PCDH11X: variants seen among roughly 807,000 people sequenced by gnomAD.
PCDH11X encodes protocadherin-11 X-linked.
PCDH11X carries 18 observed loss-of-function variants against 53.3 expected under a neutral mutation model. The observed-to-expected ratio is 0.34, with a 90% CI of 0.23 to 0.50. PCDH11X has a LOEUF of 0.50. Ranked by LOEUF, PCDH11X falls within the 20% of genes least tolerant of loss-of-function variation. The pLI is 0.98. For missense variants in PCDH11X, 570 were observed against 1,032.4 expected, an observed-to-expected ratio of 0.55 and a Z score of 6.14; for synonymous variants, 279 against 393.3, an observed-to-expected ratio of 0.71 and a Z score of 3.44.
rs866681101 is a variant in PCDH11X at position 92,452,463 on chromosome X, G to A, written c.3344-15836G>A. Among the ~76,000 whole-genome samples, 164 of 44,709 alleles carry A rather than the reference G, an allele frequency of 3.7e-3. 2 individuals are homozygous for A. The highest frequency in any genetic ancestry group is 0.022 in the East Asian group (23 of 1,032). 38.8% of individuals were successfully genotyped at this position (44,709 alleles called of 115,157 possible). On this transcript the variant is annotated intron_variant, in intron 9 of 10. Transcript: ENST00000682573. ...TTGTATAATATAGATGTGTGTGTGT[G>A]TATATATATATATATATATATATAT... is the stretch of plus-strand genomic sequence containing the variant.
chrX:91,822,208 T>C (rs765115607), intron 4 of PCDH11X, among the ~76,000 whole-genome samples: 124 of 109,988 alleles, frequency 1.1e-3, no homozygotes, highest in Non-Finnish European at 2.0e-3. Context: ...TAGGGAGGAT[T>C]CTCTCTTTCT....
chrX:92,094,027 A>C (rs1301470101), intron 6 of PCDH11X, among the ~76,000 whole-genome samples: 1 of 110,585 alleles, frequency 9.0e-6, no homozygotes, highest in East Asian at 2.8e-4. Context: ...AGCTGTTTTC[A>C]TTAAACACAA....
At chrX:91,989,572 AAC>A (rs1262881072) in intron 6 of PCDH11X, among the ~76,000 whole-genome samples, 1 of 91,335 alleles carries the variant, frequency 1.1e-5, no homozygotes. Flanking sequence ...CAAAAACAAC[AAC>A]AAAAAAAAGA....
chrX:91,969,387 T>C (rs923502727), intron 6 of PCDH11X, among the ~76,000 whole-genome samples: 6 of 97,228 alleles, frequency 6.2e-5, no homozygotes, highest in African/African-American at 8.3e-5. Flanking sequence ...ACTTGGAAAA[T>C]AGTGTCTTGT....
intron 8 of PCDH11X, chrX:92,287,960 T>C (rs2068414422): frequency 1.9e-6 from 1 of 512,899 alleles, no homozygotes; most frequent in Admixed American, 2.7e-5. Flanking sequence ...CTTCTGGCCA[T>C]GTGAAGACTG....
At chrX:92,449,165 A>G (rs2072725268) in intron 9 of PCDH11X, among the ~76,000 whole-genome samples, 1 of 112,090 alleles carries the variant, frequency 8.9e-6, no homozygotes, top group East Asian at 2.8e-4. Flanking sequence ...GATGGATTAC[A>G]ATTATTAACC....
intron 10 of PCDH11X, among the ~76,000 whole-genome samples, chrX:92,478,336 T>C (rs1363352150): frequency 7.2e-5 from 8 of 111,597 alleles, no homozygotes; most frequent in African/African-American, 2.3e-4. Flanking sequence ...TTCATTCATC[T>C]TTTGAATGTT....
At chrX:92,113,360 G>A (rs752664288) in intron 6 of PCDH11X, 4 of 1,199,032 alleles carry the variant, frequency 3.3e-6, no homozygotes, top group African/African-American at 1.8e-5. Flanking sequence ...ACATCTTTAC[G>A]GCCAAACTGT....
chrX:91,901,613 CTTA>C lies in PCDH11X; in HGVS notation c.3033+22345_3033+22347del, dbSNP rs548161308. ...TTATAATAAAATGATAAGAATATGA[CTTA>C]TTATGTGATTTTAATATTAGACATT... On this transcript the variant is annotated intron_variant, in intron 6 of 10. Coordinates refer to ENST00000682573, the MANE Select transcript of PCDH11X (RefSeq NM_032968.5). Among the ~76,000 whole-genome samples the C allele has an allele frequency of 1.4e-3, 156 of 110,691 alleles. 3 individuals are homozygous for C. In the South Asian group the frequency reaches 0.058, roughly 41 times the overall value.
intron 7 of PCDH11X, among the ~76,000 whole-genome samples, chrX:92,225,288 G>A (rs371346416): frequency 1.8e-4 from 19 of 103,003 alleles, no homozygotes; most frequent in African/African-American, 6.4e-4. Flanking sequence ...TAAGCTGTTT[G>A]TAGTATTTCT....
At chrX:92,195,921 G>A (rs1235445471) in intron 6 of PCDH11X, among the ~76,000 whole-genome samples, 1 of 112,026 alleles carries the variant, frequency 8.9e-6, no homozygotes, top group African/African-American at 3.2e-5. Context: ...TCTGCTAAAT[G>A]TGTGCCAGTT....
chrX:91,871,612 G>C (rs764635184), intron 5 of PCDH11X, among the ~76,000 whole-genome samples: 64 of 109,586 alleles, frequency 5.8e-4, no homozygotes, highest in African/African-American at 1.8e-3. Flanking sequence ...AAATGTTAAA[G>C]TTTTCTCCAG....
At chrX:91,956,608 C>A (rs2061714237) in intron 6 of PCDH11X, among the ~76,000 whole-genome samples, 1 of 108,615 alleles carries the variant, frequency 9.2e-6, no homozygotes, top group Non-Finnish European at 1.9e-5. Flanking sequence ...TGTAGGATTT[C>A]CACTGAGAAG....
At chrX:92,473,228 T>TA (rs757970538) in intron 10 of PCDH11X, among the ~76,000 whole-genome samples, 2 of 108,138 alleles carry the variant, frequency 1.8e-5, no homozygotes, top group Non-Finnish European at 3.8e-5. Context: ...TCTTCTGGCT[T>TA]TTTCCATTTA....
chrX:92,112,347 A>G (rs1467269920), intron 6 of PCDH11X, among the ~76,000 whole-genome samples: 1 of 102,183 alleles, frequency 9.8e-6, no homozygotes, highest in Non-Finnish European at 1.9e-5. Context: ...AAAAAAAAAA[A>G]AAGTATAGTC....
chrX:92,291,718 AAC>A (rs1328646721), intron 8 of PCDH11X, among the ~76,000 whole-genome samples: 1 of 107,805 alleles, frequency 9.3e-6, no homozygotes, highest in East Asian at 2.9e-4. Flanking sequence ...TTGGAAATGA[AAC>A]AGAGTGTTTA....
chrX:91,987,792 C>CA (rs1322697166), intron 6 of PCDH11X, among the ~76,000 whole-genome samples: 1 of 108,615 alleles, frequency 9.2e-6, no homozygotes, highest in African/African-American at 3.3e-5. Context: ...CACAAATGCA[C>CA]AAAATTTGTG....
intron 10 of PCDH11X, among the ~76,000 whole-genome samples, chrX:92,568,338 C>T (rs1257423840): frequency 2.8e-5 from 3 of 108,904 alleles, no homozygotes; most frequent in Admixed American, 9.8e-5. Flanking sequence ...AGGAGAACAG[C>T]GTGAACGTGG....
intron 8 of PCDH11X, among the ~76,000 whole-genome samples, chrX:92,292,775 A>G (rs1443348370): frequency 5.3e-5 from 6 of 112,326 alleles, no homozygotes; most frequent in African/African-American, 1.6e-4. Flanking sequence ...TTGGTATTCA[A>G]AGAACTGAGA....
Sources: allele counts gnomAD v4.1 joint callset (sites outside exome capture counted in the v4.1 genomes callset), GRCh38; gene constraint gnomAD v4.1.1; transcripts MANE v1.5; gene names NCBI Gene and HGNC (gene_info 2026-07-23, HGNC 2026-07-21).